Variants in AIRE observed in about 807,000 individuals in gnomAD.
The protein encoded by AIRE is autoimmune regulator, also known as autoimmune polyendocrinopathy candidiasis ectodermal dystrophy protein.
In AIRE, 52 loss-of-function variants were observed where a neutral mutation model predicts 62.1. That is an observed-to-expected ratio of 0.84 (90% confidence interval 0.67 to 1.06). The LOEUF (loss-of-function observed/expected upper bound fraction) is 1.06, where lower values mean the gene tolerates loss of function less well. Among genes scored for constraint, AIRE ranks in the 50% least tolerant of loss-of-function variants. The pLI is 0.00. For synonymous variants in AIRE, 342 were observed against 321.6 expected (o/e 1.06, Z -0.68); for missense variants, 774 against 755.8 (o/e 1.02, Z -0.28).
chr21:44,295,233 T>C (rs1318892649), intron 12 of AIRE, among the ~76,000 whole-genome samples: 1 of 152,178 alleles, frequency 6.6e-6, no homozygotes, highest in African/African-American at 2.4e-5. Flanking sequence ...TTCCCAGCTG[T>C]GCCTCCGCCC....
At position 44,297,521 on chromosome 21, in the gene AIRE, GGGGCCTC is replaced by G; in HGVS notation, c.1567-127_1567-121del. ...TCCTCCCCAGACTGGCCTGTGCCAT[GGGGCCTC>G]GGGCCTCAGTTTCCCCACCTTTGAC... On this transcript the variant is annotated intron_variant, in intron 13 of 13. Transcript: ENST00000291582. This position sits in a 1 kb window ranked among gnomAD's most constrained non-coding sequence, Gnocchi z 4.8. 1 of 801,338 alleles carries G rather than the reference GGGGCCTC, an allele frequency of 1.2e-6. No individual in the cohort carries two copies. The highest frequency in any genetic ancestry group is 2.7e-5 in the East Asian group (1 of 37,678). 49.6% of individuals were successfully genotyped at this position (801,338 alleles called of 1,614,324 possible).
Position 44,296,383 on chromosome 21 carries a change from G to A in AIRE, c.1504G>A (p.Asp502Asn). Residue 502 changes from aspartate (D) to asparagine (N), a missense_variant and splice_region_variant, in exon 13 of 14, where the codon GAT becomes AAT. Coordinates refer to ENST00000291582, the MANE Select transcript of AIRE (RefSeq NM_000383.4). The stretch of plus-strand genomic sequence containing the variant: ...ACCTCTTCTCTTTACTGGGTTCCAG[G>A]ATGACACTGCCAGTCACGAGCCCGC... Reference protein sequence around the residue: ...PARLAPGPAKDDTASHEPALH... With the variant: ...PARLAPGPAKNDTASHEPALH... 6.2e-7 allele frequency: 1 copy of A among 1,612,216 alleles called. No individual in the cohort carries two copies. Among genetic ancestry groups the A allele is most frequent in the Admixed American group, 1.7e-5 (1 of 60,002 alleles).
In AIRE at chr21:44,288,335, C is replaced by T; in HGVS notation, c.539-10C>T. The T allele has an allele frequency of 6.3e-7, 1 of 1,588,364 alleles. No homozygotes were observed. Among genetic ancestry groups the T allele is most frequent in the Non-Finnish European group, 8.6e-7 (1 of 1,157,620 alleles). ...CCACGGGTGACCCCAATGGGTGTTC[C>T]CTTTCCCAGGGATTCAGACCATGTC... On this transcript the variant is annotated splice_polypyrimidine_tract_variant and intron_variant, in intron 4 of 13. Transcript: ENST00000291582.
In AIRE at chr21:44,290,644, G is replaced by A. The variant is rs267606153; in HGVS notation, c.880-451G>A. 5 of 1,101,406 alleles carry A rather than the reference G, an allele frequency of 4.5e-6. No homozygotes were observed. The Admixed American group carries it at 1.0e-4, about 22-fold the overall frequency. 68.2% of individuals were successfully genotyped at this position (1,101,406 alleles called of 1,614,324 possible). A position where few individuals can be genotyped will look rare whatever the true frequency, so the allele number is the denominator to read the frequency against. ...ACCAGCCTAGCCTGGCTGTCTGGGG[G>A]GATTCTGGAGGAAGTGGTACCTGGG... On this transcript the variant is annotated intron_variant, in intron 7 of 13. Transcript: ENST00000291582.
At chr21:44,295,275 G>A (rs781572484) in intron 12 of AIRE, among the ~76,000 whole-genome samples, 9 of 152,150 alleles carry the variant, frequency 5.9e-5, no homozygotes, top group Non-Finnish European at 1.0e-4. Flanking sequence ...AGGCCACCCC[G>A]GCGTGGTACT....
At position 44,296,449 on chromosome 21, in the gene AIRE, A is replaced by G. The variant is rs558313647; in HGVS notation, c.1566+4A>G. 1.9e-6 allele frequency: 3 copies of G among 1,611,752 alleles called. No homozygotes were observed. Among genetic ancestry groups the G allele is most frequent in the African/African-American group, 2.7e-5 (2 of 74,864 alleles). ...CCTGGAGTCCCTTCTGAGCGAGGTA[A>G]CGCCTCCCCTGGCCTCCTGGTGCTC... On this transcript the variant is annotated splice_donor_region_variant and intron_variant, in intron 13 of 13. Coordinates refer to ENST00000291582, the MANE Select transcript of AIRE (RefSeq NM_000383.4).
intron 7 of AIRE, 49 bp downstream of exon 7, chr21:44,290,117 C>T (rs778235248): frequency 4.9e-5 from 78 of 1,581,530 alleles, no homozygotes; most frequent in Middle Eastern, 1.7e-4. Context: ...TTGCTCCCCT[C>T]GGGTGGGTCC....
Position 44,286,919 on chromosome 21 carries a change from C to T in AIRE, c.308-59C>T, listed in dbSNP as rs2040487714. On this transcript the variant is annotated intron_variant, in intron 2 of 13. Coordinates refer to ENST00000291582, the MANE Select transcript of AIRE (RefSeq NM_000383.4). This position sits in a 1 kb window ranked among gnomAD's most constrained non-coding sequence, Gnocchi z 6.0. ...GGCCAAGGTGTCCAGTTCTGGGGCC[C>T]ACCCTACCCCTGGAGAAAACCCTGA... 6.2e-7 allele frequency: 1 copy of T among 1,610,064 alleles called. No homozygotes were observed. Among genetic ancestry groups the T allele is most frequent in the Non-Finnish European group, 8.5e-7 (1 of 1,177,936 alleles).
intron 7 of AIRE, 175 bp from the exon 8 acceptor site, chr21:44,290,920 G>C: frequency 6.2e-7 from 1 of 1,611,386 alleles, no homozygotes. Context: ...CAGATGGATG[G>C]GGAACAGGTG....
intron 12 of AIRE, among the ~76,000 whole-genome samples, chr21:44,294,915 G>C (rs1242455398): frequency 6.6e-6 from 1 of 152,154 alleles, no homozygotes; most frequent in African/African-American, 2.4e-5. Context: ...CCACCCCACT[G>C]TGTGGCCAGA....
At chr21:44,289,547 G>A in intron 5 of AIRE, 110 bp from the exon 6 acceptor site, 1 of 1,474,182 alleles carries the variant, frequency 6.8e-7, no homozygotes, top group Non-Finnish European at 9.3e-7. Context: ...AGGAATGCAG[G>A]CTGTGGGAAC....
rs1457582759 is a variant in AIRE at position 44,298,180 on chromosome 21, C to T, written c.*453C>T. The T allele has an allele frequency of 8.3e-6, 2 of 241,060 alleles. No individual in the cohort carries two copies. Among genetic ancestry groups the T allele is most frequent in the South Asian group, 4.9e-5 (1 of 20,210 alleles). The allele number at this position is 241,060 out of a possible 1,614,324, so 14.9% of individuals were successfully genotyped here. ...ACCACATAACATAAATTTATCATCTCGACCACTTTTCAGTTCAGTGGCATT... is the reference window on the plus strand; with the variant it reads ...ACCACATAACATAAATTTATCATCTTGACCACTTTTCAGTTCAGTGGCATT... On this transcript the variant is annotated 3_prime_UTR_variant, in exon 14 of 14. Coordinates refer to ENST00000291582, the MANE Select transcript of AIRE (RefSeq NM_000383.4).
In AIRE at chr21:44,290,015, C is replaced by T; in HGVS notation, c.826C>T (p.Gln276Ter). The T allele has an allele frequency of 1.2e-6, 2 of 1,610,890 alleles. No individual in the cohort carries two copies. Among genetic ancestry groups the T allele is most frequent in the East Asian group, 2.2e-5 (1 of 44,808 alleles). Residue 276 changes from glutamine to a stop codon, truncating the protein, a stop_gained, in exon 7 of 14, where the codon CAG becomes TAG. Coordinates refer to ENST00000291582, the MANE Select transcript of AIRE (RefSeq NM_000383.4). LOFTEE classifies it high-confidence loss of function. ...TGGAGGTGAGGCTAGGCTGGGCCAGCAGGGCAGCGTTCCCGCCCCTCTGGC... is the reference window on the plus strand; with the variant it reads ...TGGAGGTGAGGCTAGGCTGGGCCAGTAGGGCAGCGTTCCCGCCCCTCTGGC... ...PGGGEARLGQQGSVPAPLALP... is the reference protein window; with the variant it reads ...PGGGEARLGQ
Position 44,288,422 on chromosome 21 carries a change from G to C in AIRE, c.616G>C (p.Val206Leu). ...SGDVPGARGAVEGILIQQVFE... is the reference protein window; with the variant it reads ...SGDVPGARGALEGILIQQVFE... Reference sequence around the variant, plus strand: ...GGACGTCCCGGGAGCCCGAGGGGCCGTGGAGGGGATCCTCATCCAGCAGGT... The same window carrying C: ...GGACGTCCCGGGAGCCCGAGGGGCCCTGGAGGGGATCCTCATCCAGCAGGT... The change falls in exon 5 of 14, where the codon GTG becomes CTG. Residue 206 changes from valine (V) to leucine (L), a missense_variant. Val to Leu is a conservative substitution (Grantham distance 32, BLOSUM62 1). This residue lies in a region of AIRE where 385 missense variants were observed against 396.0 expected (regional missense o/e 0.97). Transcript: ENST00000291582. The C allele has an allele frequency of 1.9e-6, 3 of 1,611,700 alleles. No homozygotes were observed. In the South Asian group the frequency reaches 3.3e-5, roughly 18 times the overall value.
chr21:44,286,024 G>C lies in AIRE; in HGVS notation c.18G>C (p.Ala6=), dbSNP rs1228505896. 2.6e-6 allele frequency: 4 copies of C among 1,533,788 alleles called. No homozygotes were observed. The African/African-American group carries it at 4.1e-5, about 16-fold the overall frequency. MATDA[A]LRRLLRLHRT... ...CCCACCCCATGGCGACGGACGCGGCGCTACGCCGGCTTCTGAGGCTGCACC... is the reference window on the plus strand; with the variant it reads ...CCCACCCCATGGCGACGGACGCGGCCCTACGCCGGCTTCTGAGGCTGCACC... The change falls in exon 1 of 14, where the codon GCG becomes GCC. Residue 6 remains alanine (A), a synonymous_variant. Coordinates refer to ENST00000291582, the MANE Select transcript of AIRE (RefSeq NM_000383.4). The surrounding 1 kb of genome is among the most constrained non-coding windows in gnomAD (Gnocchi z 6.0).
At position 44,287,023 on chromosome 21, in the gene AIRE, T is replaced by C. The variant is rs772511282; in HGVS notation, c.353T>C (p.Val118Ala). Residue 118 changes from valine to alanine, a missense_variant, in exon 3 of 14, where the codon GTC becomes GCC. Physicochemically the swap from Val to Ala is moderately conservative, Grantham distance 64. Coordinates refer to ENST00000291582, the MANE Select transcript of AIRE (RefSeq NM_000383.4). The surrounding 1 kb of genome is among the most constrained non-coding windows in gnomAD (Gnocchi z 4.3). ...QPRKGRKPPAVPKALVPPPRL... is the reference protein window; with the variant it reads ...QPRKGRKPPAAPKALVPPPRL... Reference sequence around the variant, plus strand: ...CGGAAGGGGAGGAAGCCCCCGGCCGTCCCCAAGGCTTTGGTACCGCCACCC... The same window carrying C: ...CGGAAGGGGAGGAAGCCCCCGGCCGCCCCCAAGGCTTTGGTACCGCCACCC... The C allele has an allele frequency of 6.2e-7, 1 of 1,612,644 alleles. No individual in the cohort carries two copies. The highest frequency in any genetic ancestry group is 1.3e-5 in the African/African-American group (1 of 74,996).
Position 44,297,376 on chromosome 21 carries a change from G to A in AIRE, c.1567-280G>A, listed in dbSNP as rs1412784914. Among the ~76,000 whole-genome samples, 3 of 150,770 alleles carry A rather than the reference G, an allele frequency of 2.0e-5. No individual in the cohort carries two copies. The highest frequency in any genetic ancestry group is 4.4e-5 in the Non-Finnish European group (3 of 67,928). ...ATGAACTGCCATGGGGATGTGCCCTGGGCTTATAGGATGTGGTGAAGTACA... is the reference window on the plus strand; with the variant it reads ...ATGAACTGCCATGGGGATGTGCCCTAGGCTTATAGGATGTGGTGAAGTACA... On this transcript the variant is annotated intron_variant, in intron 13 of 13. Coordinates refer to ENST00000291582, the MANE Select transcript of AIRE (RefSeq NM_000383.4). The surrounding 1 kb of genome is among the most constrained non-coding windows in gnomAD (Gnocchi z 4.8).
Position 44,287,353 on chromosome 21 carries a change from G to T in AIRE, c.464-164G>T. 1.4e-6 allele frequency: 1 copy of T among 717,320 alleles called. No homozygotes were observed. The highest frequency in any genetic ancestry group is 1.8e-5 in the South Asian group (1 of 55,190). The allele number at this position is 717,320 out of a possible 1,614,324, so 44.4% of individuals were successfully genotyped here. A position where few individuals can be genotyped will look rare whatever the true frequency, so the allele number is the denominator to read the frequency against. ...GCTCCCCGGAGCTGGTGAAGTAGGC[G>T]GGCGGGTCTCATTTCCCTTTTACTG... On this transcript the variant is annotated intron_variant, in intron 3 of 13. Transcript: ENST00000291582. The surrounding 1 kb of genome is among the most constrained non-coding windows in gnomAD (Gnocchi z 4.3).
In AIRE at chr21:44,286,033, G is replaced by C; in HGVS notation, c.27G>C (p.Arg9=). 6.5e-7 allele frequency: 1 copy of C among 1,536,140 alleles called. No homozygotes were observed. Among genetic ancestry groups the C allele is most frequent in the Non-Finnish European group, 8.7e-7 (1 of 1,145,128 alleles). Residue 9 remains arginine (R), a synonymous_variant, in exon 1 of 14, where the codon CGG becomes CGC. Transcript: ENST00000291582. This position sits in a 1 kb window ranked among gnomAD's most constrained non-coding sequence, Gnocchi z 6.0. MATDAALR[R]LLRLHRTEIA... is the part of the protein sequence containing the mutation. The stretch of plus-strand genomic sequence containing the variant: ...TGGCGACGGACGCGGCGCTACGCCG[G>C]CTTCTGAGGCTGCACCGCACGGAGA...
Sources: gnomAD v4.1 joint callset for allele counts (sites outside exome capture counted in the v4.1 genomes callset) on GRCh38, gnomAD v4.1.1 for gene constraint, gnomAD v4.1.1 regional missense constraint, Gnocchi (gnomAD v3.1) non-coding constraint, MANE v1.5 for transcripts, NCBI Gene and HGNC (gene_info 2026-07-23, HGNC 2026-07-21) for gene names.